Variants in TMEM272 observed in about 807,000 individuals in gnomAD.
TMEM272 encodes long intergenic non-protein coding RNA 282.
A neutral mutation model predicts 3.7 loss-of-function variants in TMEM272; 8 were observed. That is an observed-to-expected ratio of 2.17 (90% CI 1.27 to 3.91). The LOEUF (loss-of-function observed/expected upper bound fraction) is 3.91, where lower values mean the gene tolerates loss of function less well. Among genes scored for constraint, TMEM272 ranks in the 30% most tolerant of loss-of-function variants. TMEM272 has a pLI of 0.00. For synonymous variants in TMEM272, 63 were observed against 39.8 expected (o/e 1.58, Z -2.20); for missense variants, 166 against 91.5 (o/e 1.81, Z -3.32).
At chr13:51,908,695 G>A in the TMEM272 span, 1 of 1,475,290 alleles carries the variant, frequency 6.8e-7, no homozygotes, top group South Asian at 1.1e-5. Context: ...TCCAAAGAAG[G>A]TATATTAAAA....
the TMEM272 span, chr13:51,909,762 TC>T: frequency 1.3e-6 from 2 of 1,565,222 alleles, no homozygotes; most frequent in Admixed American, 3.4e-5. Context: ...GTTACCATCA[TC>T]CGTTATGTCT....
the TMEM272 span, among the ~76,000 whole-genome samples, chr13:51,904,424 GATGATC>G: frequency 6.6e-6 from 1 of 152,090 alleles, no homozygotes; most frequent in Non-Finnish European, 1.5e-5. Flanking sequence ...AATGATAATT[GATGATC>G]ATGATCATGA....
At chr13:51,851,478 C>T in the TMEM272 span, among the ~76,000 whole-genome samples, 18 of 148,186 alleles carry the variant, frequency 1.2e-4, no homozygotes, top group Non-Finnish European at 3.0e-5. Flanking sequence ...AATAATGTAT[C>T]CTGGGAATCT....
At chr13:51,832,401 C>T (rs1023547396) in intron 2 of TMEM272, among the ~76,000 whole-genome samples, 2 of 152,198 alleles carry the variant, frequency 1.3e-5, no homozygotes. Context: ...ATCCCCAGAT[C>T]TTTTGCTTAG....
intron 3 of TMEM272, among the ~76,000 whole-genome samples, chr13:51,826,157 A>AAAAAAC (rs55699524): frequency 1.3e-5 from 2 of 148,516 alleles, no homozygotes; most frequent in African/African-American, 5.0e-5. Flanking sequence ...AAAAAAAAAA[A>AAAAAAC]TGTATAGAGT....
chr13:51,830,316 G>T (rs1310767866), intron 2 of TMEM272, among the ~76,000 whole-genome samples: 1 of 152,222 alleles, frequency 6.6e-6, no homozygotes. Flanking sequence ...TGAGAGAGAT[G>T]GCCAGGGCCA....
At chr13:51,847,448 C>G (rs1202253904), upstream of TMEM272, among the ~76,000 whole-genome samples, 1 of 152,178 alleles carries the variant, frequency 6.6e-6, no homozygotes, top group Non-Finnish European at 1.5e-5. Context: ...CTTCCCCATC[C>G]CCACCCTCAT....
the TMEM272 span, chr13:51,910,743 C>T: frequency 2.7e-6 from 1 of 371,208 alleles, no homozygotes. Context: ...CCGGAGCGGA[C>T]CACTGCGGAG....
At chr13:51,821,234 G>A (rs1956075898) in intron 4 of TMEM272, among the ~76,000 whole-genome samples, 1 of 152,138 alleles carries the variant, frequency 6.6e-6, no homozygotes. Flanking sequence ...TTGGGAAAAT[G>A]GATGCTTGTG....
the TMEM272 span, among the ~76,000 whole-genome samples, chr13:51,905,899 G>A: frequency 6.6e-6 from 1 of 152,336 alleles, no homozygotes; most frequent in South Asian, 2.1e-4. Context: ...GGCTTCACCT[G>A]TGGCTCTGAA....
chr13:51,839,699 T>C (rs1956245117), intron 1 of TMEM272, among the ~76,000 whole-genome samples: 1 of 152,096 alleles, frequency 6.6e-6, no homozygotes, highest in Admixed American at 6.6e-5. Context: ...AGGACAGAGA[T>C]GGTCATGATG....
chr13:51,920,061 GT>G, the TMEM272 span, among the ~76,000 whole-genome samples: 1 of 152,294 alleles, frequency 6.6e-6, no homozygotes, highest in African/African-American at 2.4e-5. Context: ...CAGGTATGAC[GT>G]TGCAGTGAGG....
upstream of TMEM272, among the ~76,000 whole-genome samples, chr13:51,845,488 G>C (rs1443550812): frequency 2.0e-5 from 3 of 152,226 alleles, no homozygotes; most frequent in African/African-American, 4.8e-5. Context: ...GCTTAGGAAA[G>C]AGTGTGAAGG....
At chr13:51,927,313 C>T in the TMEM272 span, among the ~76,000 whole-genome samples, 4 of 152,172 alleles carry the variant, frequency 2.6e-5, no homozygotes, top group Non-Finnish European at 4.4e-5. Flanking sequence ...CACGATGCCA[C>T]GGCCCACTCG....
chr13:51,867,010 G>A, the TMEM272 span, among the ~76,000 whole-genome samples: 1 of 152,186 alleles, frequency 6.6e-6, no homozygotes, highest in Non-Finnish European at 1.5e-5. Context: ...CTGGGGGTGG[G>A]GAGATTAGAT....
At chr13:51,878,549 C>A in the TMEM272 span, among the ~76,000 whole-genome samples, 1 of 152,206 alleles carries the variant, frequency 6.6e-6, no homozygotes, top group African/African-American at 2.4e-5. Context: ...GTCCCTCCCC[C>A]AGCACCTGGG....
At chr13:51,883,407 C>A in the TMEM272 span, among the ~76,000 whole-genome samples, 2 of 152,328 alleles carry the variant, frequency 1.3e-5, no homozygotes, top group South Asian at 4.1e-4. Flanking sequence ...GAAGAATTTT[C>A]TTGGGCAACA....
chr13:51,865,618 G>T, the TMEM272 span: 1 of 1,614,066 alleles, frequency 6.2e-7, no homozygotes, highest in Non-Finnish European at 8.5e-7. Flanking sequence ...ATGCTTTCCG[G>T]GGCCAGATCC....
At chr13:51,818,443 G>T (rs530849546) in intron 4 of TMEM272, among the ~76,000 whole-genome samples, 1 of 152,218 alleles carries the variant, frequency 6.6e-6, no homozygotes, top group African/African-American at 2.4e-5. Context: ...GAGCCTGGAG[G>T]TGAACAGAGA....
Sources: gnomAD v4.1 joint callset for allele counts (sites outside exome capture counted in the v4.1 genomes callset) on GRCh38, gnomAD v4.1.1 for gene constraint, MANE v1.5 for transcripts, NCBI Gene and HGNC (gene_info 2026-07-23, HGNC 2026-07-21) for gene names.